FGGY: variants seen among roughly 807,000 people sequenced by gnomAD.
FGGY encodes the protein FGGY carbohydrate kinase domain containing.
Under a neutral mutation model 71.3 loss-of-function variants are expected in FGGY, and 72 were observed. The ratio of observed to expected loss-of-function variants is 1.01; its 90% confidence interval spans 0.84 to 1.23. The LOEUF is 1.23. Ranked by LOEUF, FGGY falls within the 50% of genes most tolerant of loss-of-function variation. FGGY has a pLI of 0.00. For missense variants in FGGY, 668 were observed against 682.3 expected (o/e 0.98, Z 0.23); for synonymous variants, 251 against 250.3 (o/e 1.00, Z -0.02).
chr1:59,490,129 C>A (rs2093780456), intron 6 of FGGY, among the ~76,000 whole-genome samples: 1 of 152,150 alleles, frequency 6.6e-6, no homozygotes, highest in Admixed American at 6.5e-5. Flanking sequence ...TAGCTCACTG[C>A]AGCCTTGAAC....
chr1:59,431,925 C>T (rs758584525), intron 5 of FGGY, among the ~76,000 whole-genome samples: 5 of 152,206 alleles, frequency 3.3e-5, no homozygotes, highest in Admixed American at 6.5e-5. Flanking sequence ...TTTAATGAGG[C>T]GACTCTTGGG....
chr1:59,626,247 A>T, intron 10 of FGGY, 198 bp downstream of exon 10: 1 of 514,016 alleles, frequency 1.9e-6, no homozygotes, highest in Non-Finnish European at 3.5e-6. Context: ...GAGAACCTAG[A>T]GATACCCCAA....
At chr1:59,485,463 G>A (rs573879981) in intron 6 of FGGY, among the ~76,000 whole-genome samples, 4 of 152,300 alleles carry the variant, frequency 2.6e-5, no homozygotes, top group African/African-American at 9.6e-5. Flanking sequence ...TTGGATAAGG[G>A]GGACAGACGC....
chr1:59,534,237 G>T (rs1056260684), intron 7 of FGGY, among the ~76,000 whole-genome samples: 6 of 152,136 alleles, frequency 3.9e-5, no homozygotes, highest in Admixed American at 2.6e-4. Flanking sequence ...ATCAGCGATG[G>T]AAGATGAGAT....
chr1:59,346,349 G>T lies in FGGY; in HGVS notation c.416G>T (p.Gly139Val). 1 of 1,611,880 alleles carries T rather than the reference G, an allele frequency of 6.2e-7. No homozygotes were observed. Among genetic ancestry groups the T allele is most frequent in the Non-Finnish European group, 8.5e-7 (1 of 1,179,642 alleles). Residue 139 changes from glycine (G) to valine (V), a missense_variant, in exon 4 of 16, where the codon GGG (glycine) becomes GTG (valine). Coordinates refer to ENST00000303721, the MANE Select transcript of FGGY (RefSeq NM_018291.5). ...CACAGTGTCCTCCAGTACGTCGGGG[G>T]GGTGATGTCTGTGGAAATGCAGGCC... is the stretch of plus-strand genomic sequence containing the variant. ...TKHSVLQYVGGVMSVEMQAPK... is the reference protein window; with the variant it reads ...TKHSVLQYVGVVMSVEMQAPK...
intron 7 of FGGY, among the ~76,000 whole-genome samples, chr1:59,539,953 A>G (rs1416246444): frequency 4.6e-5 from 7 of 152,236 alleles, no homozygotes; most frequent in Admixed American, 4.6e-4. Context: ...ATGTGTGCAT[A>G]TATACATTTG....
chr1:59,566,756 ACT>A (rs1443694370), intron 8 of FGGY, among the ~76,000 whole-genome samples: 1 of 152,188 alleles, frequency 6.6e-6, no homozygotes, highest in Non-Finnish European at 1.5e-5. Context: ...TGACAGTGAT[ACT>A]GTCATGTATG....
At chr1:59,380,717 A>G (rs1053957738) in intron 5 of FGGY, among the ~76,000 whole-genome samples, 2 of 151,532 alleles carry the variant, frequency 1.3e-5, no homozygotes, top group Non-Finnish European at 2.9e-5. Flanking sequence ...AGTAGATTGC[A>G]AAAATTTTCT....
intron 4 of FGGY, among the ~76,000 whole-genome samples, chr1:59,349,216 C>T (rs80164062): frequency 0.024 from 3,692 of 152,196 alleles, 171 homozygotes; most frequent in African/African-American, 0.085. Flanking sequence ...TCATGTCATG[C>T]AGTAGTAAAA....
intron 14 of FGGY, among the ~76,000 whole-genome samples, chr1:59,731,497 A>G (rs532674385): frequency 6.6e-6 from 1 of 152,132 alleles, no homozygotes; most frequent in Non-Finnish European, 1.5e-5. Flanking sequence ...GAAGGAGCCC[A>G]GATTTTCCCC....
At chr1:59,330,245 T>C (rs2048203135) in intron 2 of FGGY, among the ~76,000 whole-genome samples, 1 of 152,264 alleles carries the variant, frequency 6.6e-6, no homozygotes, top group Admixed American at 6.5e-5. Context: ...GCAGGAGCTA[T>C]GTTTTGCTTA....
chr1:59,594,205 A>G (rs1465805991), intron 8 of FGGY, among the ~76,000 whole-genome samples: 1 of 152,016 alleles, frequency 6.6e-6, no homozygotes, highest in Non-Finnish European at 1.5e-5. Flanking sequence ...CTCTTCCAGC[A>G]CCTTTGTTGT....
intron 11 of FGGY, among the ~76,000 whole-genome samples, chr1:59,642,422 C>T (rs566661701): frequency 1.3e-5 from 2 of 151,724 alleles, no homozygotes; most frequent in East Asian, 2.0e-4. Context: ...GTCAGGGGTT[C>T]GAGACCAGCC....
At chr1:59,583,990 T>C (rs945559809) in intron 8 of FGGY, among the ~76,000 whole-genome samples, 1 of 149,018 alleles carries the variant, frequency 6.7e-6, no homozygotes, top group Non-Finnish European at 1.5e-5. Context: ...TCAGGTGGTT[T>C]AAAAGACCAG....
intron 7 of FGGY, among the ~76,000 whole-genome samples, chr1:59,526,809 G>A (rs1007685515): frequency 1.3e-5 from 2 of 152,198 alleles, no homozygotes; most frequent in Admixed American, 6.5e-5. Flanking sequence ...ACTGGAATCA[G>A]ACTGCCTGGG....
At chr1:59,469,214 T>G (rs1274573502) in intron 6 of FGGY, among the ~76,000 whole-genome samples, 2 of 152,310 alleles carry the variant, frequency 1.3e-5, no homozygotes, top group East Asian at 3.9e-4. Flanking sequence ...AAGAAAGTAT[T>G]AGTTCTTTTC....
At chr1:59,437,267 C>A (rs189979927) in intron 5 of FGGY, among the ~76,000 whole-genome samples, 126 of 152,268 alleles carry the variant, frequency 8.3e-4, no homozygotes, top group Non-Finnish European at 1.6e-3. Flanking sequence ...TGTTTGGGAG[C>A]CAGTTGTAGA....
intron 15 of FGGY, among the ~76,000 whole-genome samples, chr1:59,762,192 C>A (rs1238278316): frequency 1.3e-5 from 2 of 151,820 alleles, no homozygotes; most frequent in Admixed American, 6.6e-5. Flanking sequence ...CGGGTTCAAG[C>A]AATTCTCCTG....
intron 14 of FGGY, among the ~76,000 whole-genome samples, chr1:59,730,633 G>A (rs2098014762): frequency 6.6e-6 from 1 of 152,184 alleles, no homozygotes; most frequent in Non-Finnish European, 1.5e-5. Context: ...TTACAGTGGT[G>A]TGGGGGCAGG....
Sources: gnomAD v4.1 joint callset for allele counts (sites outside exome capture counted in the v4.1 genomes callset) on GRCh38, gnomAD v4.1.1 for gene constraint, MANE v1.5 for transcripts, NCBI Gene and HGNC (gene_info 2026-07-23, HGNC 2026-07-21) for gene names.